Variants in NLRC3 observed in about 807,000 individuals in gnomAD.
NLRC3 encodes the protein NLR family CARD domain containing 3.
A neutral mutation model predicts 91.6 loss-of-function variants in NLRC3; 87 were observed. That is an observed-to-expected ratio of 0.95 (90% CI 0.80 to 1.14). NLRC3 has a LOEUF of 1.14. NLRC3 is among the 50% of genes most tolerant of loss of function. The pLI, the probability that NLRC3 is intolerant of heterozygous loss-of-function variation, is 0.00. For synonymous variants in NLRC3, 694 were observed against 625.3 expected (o/e 1.11, Z -1.64); for missense variants, 1,577 against 1,418.6 (o/e 1.11, Z -1.79).
Position 3,552,225 on chromosome 16 carries a change from C to T in NLRC3, c.2322G>A (p.Leu774=), listed in dbSNP as rs1335993880. The change falls in exon 10 of 20, where the codon TTG becomes TTA. Residue 774 remains leucine (L), a synonymous_variant. Coordinates refer to ENST00000359128, the MANE Select transcript of NLRC3 (RefSeq NM_178844.4). ...PMGAQRMADA[L]KQNRSLKELM... ...GCTCTTTCAGACTCCTGTTCTGCTT[C>T]AAGGCATCTGCCATCCGCTGGGCTC... is the stretch of plus-strand genomic sequence containing the variant. 6.2e-7 allele frequency: 1 copy of T among 1,613,078 alleles called. No individual in the cohort carries two copies. Among genetic ancestry groups the T allele is most frequent in the Non-Finnish European group, 8.5e-7 (1 of 1,179,152 alleles).
At position 3,556,916 on chromosome 16, in the gene NLRC3, G is replaced by A. The variant is rs754620532; in HGVS notation, c.2178C>T (p.Ser726=). ...AGGGAGCAGGTGACACACACCTCAG[G>A]GAGGTCAGGGTGCGGTTGATCTTCA... ...DALKINRTLT[S]LSLQGNTVRD... The change falls in exon 8 of 20, where the codon TCC becomes TCT. Residue 726 remains serine, a synonymous_variant. Transcript: ENST00000359128. The A allele has an allele frequency of 1.9e-6, 3 of 1,610,772 alleles. No individual in the cohort carries two copies. The highest frequency in any genetic ancestry group is 2.5e-6 in the Non-Finnish European group (3 of 1,177,418).
In NLRC3 at chr16:3,564,509, G is replaced by A. The variant is rs769941413; in HGVS notation, c.428C>T (p.Thr143Ile). 6.2e-7 allele frequency: 1 copy of A among 1,612,428 alleles called. No homozygotes were observed. Among genetic ancestry groups the A allele is most frequent in the East Asian group, 2.2e-5 (1 of 44,870 alleles). ...CTTGCCCATGCCGGCCACCCCGATA[G>A]TGATGGAGACCCGGGGTGGGACAGA... Reference protein sequence around the residue: ...RVSVPPRVSITIGVAGMGKTT... With the variant: ...RVSVPPRVSIIIGVAGMGKTT... The change falls in exon 5 of 20, where the codon ACT (threonine) becomes ATT (isoleucine). Residue 143 changes from threonine (T) to isoleucine (I), a missense_variant. Thr to Ile is a moderately conservative substitution (Grantham distance 89, BLOSUM62 -1). Transcript: ENST00000359128. The surrounding 1 kb of genome is among the most constrained non-coding windows in gnomAD (Gnocchi z 5.9).
At chr16:3,561,136 G>A (rs931918813) in intron 6 of NLRC3, among the ~76,000 whole-genome samples, 1 of 151,974 alleles carries the variant, frequency 6.6e-6, no homozygotes, top group Non-Finnish European at 1.5e-5. Flanking sequence ...CGGATCACAA[G>A]GTCAGGAGTT....
intron 8 of NLRC3, among the ~76,000 whole-genome samples, chr16:3,554,989 G>A (rs1401602513): frequency 1.3e-5 from 2 of 152,164 alleles, no homozygotes; most frequent in African/African-American, 2.4e-5. Context: ...CAGCACTTTG[G>A]GAGGCCGAGG....
chr16:3,555,192 T>C (rs1205079335), intron 8 of NLRC3, among the ~76,000 whole-genome samples: 2 of 142,600 alleles, frequency 1.4e-5, no homozygotes, highest in African/African-American at 5.3e-5. Context: ...ATCACGCCAC[T>C]GCACTCCAGT....
rs780780860 is a variant in NLRC3 at position 3,563,273 on chromosome 16, C to T, written c.1664G>A (p.Arg555His). The change falls in exon 5 of 20, where the codon CGC (arginine) becomes CAC (histidine). Residue 555 changes from arginine to histidine, a missense_variant. Physicochemically the swap from Arg to His is conservative, Grantham distance 29. Transcript: ENST00000359128. Reference protein sequence around the residue: ...QVAELLQGCLRPDAAVCARAI... With the variant: ...QVAELLQGCLHPDAAVCARAI... The stretch of plus-strand genomic sequence containing the variant: ...CCGTGCACAGACTGCGGCATCGGGG[C>T]GCAGGCAGCCCTGCAGGAGCTCAGC... 2.3e-5 allele frequency: 37 copies of T among 1,604,982 alleles called. No individual in the cohort carries two copies. The highest frequency in any genetic ancestry group is 1.0e-4 in the Admixed American group (6 of 59,556).
At position 3,543,448 on chromosome 16, in the gene NLRC3, C is replaced by G; in HGVS notation, c.2916G>C (p.Val972=). The G allele has an allele frequency of 1.9e-6, 3 of 1,612,706 alleles. No individual in the cohort carries two copies. Among genetic ancestry groups the G allele is most frequent in the Non-Finnish European group, 2.5e-6 (3 of 1,179,202 alleles). ...GAQVLGEALA[V]NRTLEILDLR... is the part of the protein sequence containing the mutation. The stretch of plus-strand genomic sequence containing the variant: ...ACTCGAGAATCTCCAAGGTTCTGTT[C>G]ACAGCCAAGGCTTCCCCTAGCACCT... Residue 972 remains valine (V), a synonymous_variant, in exon 17 of 20, where the codon GTG becomes GTC. Coordinates refer to ENST00000359128, the MANE Select transcript of NLRC3 (RefSeq NM_178844.4).
chr16:3,549,614 G>T, intron 12 of NLRC3, 83 bp downstream of exon 12: 1 of 1,066,752 alleles, frequency 9.4e-7, no homozygotes, highest in Non-Finnish European at 1.4e-6. Flanking sequence ...ATTTCCCTGA[G>T]ACAGGCTTCC....
At chr16:3,555,475 C>T (rs1263746343) in intron 8 of NLRC3, among the ~76,000 whole-genome samples, 3 of 152,112 alleles carry the variant, frequency 2.0e-5, no homozygotes, top group African/African-American at 7.2e-5. Flanking sequence ...TATGAGGTCT[C>T]CTTCAGGGGT....
At chr16:3,575,932 C>T (rs573332401) in intron 1 of NLRC3, among the ~76,000 whole-genome samples, 14 of 152,316 alleles carry the variant, frequency 9.2e-5, no homozygotes, top group African/African-American at 3.4e-4. Context: ...GAATTCAGGA[C>T]TCGGTTCTCT....
In NLRC3 at chr16:3,566,688, G is replaced by T. The variant is rs1406572943; in HGVS notation, c.-87+555C>A. Among the ~76,000 whole-genome samples the T allele has an allele frequency of 2.0e-5, 3 of 150,512 alleles. No homozygotes were observed. In the Admixed American group the frequency reaches 2.0e-4, roughly 10 times the overall value. On this transcript the variant is annotated intron_variant, in intron 2 of 19. Transcript: ENST00000359128. ...TGCAGTAAGCTGAGATCATGCCATT[G>T]CACTGTAGCCTGGGCAACAAGAACG...
chr16:3,563,813 T>G lies in NLRC3; in HGVS notation c.1124A>C (p.Glu375Ala), dbSNP rs1596479695. 1 of 1,610,022 alleles carries G rather than the reference T, an allele frequency of 6.2e-7. No individual in the cohort carries two copies. The highest frequency in any genetic ancestry group is 2.2e-5 in the East Asian group (1 of 44,836). The change falls in exon 5 of 20, where the codon GAG (glutamate) becomes GCG (alanine). Residue 375 changes from glutamate to alanine, a missense_variant. Transcript: ENST00000359128. ...GCTTGCCTTGCCCTTCTCCTGCCCC[T>G]CCCCGCTGAGGGCCATCCTAAAGTA... ...SWYFRMALSG[E>A]GQEKGKASPR...
At chr16:3,542,980 G>C (rs952353715) in intron 17 of NLRC3, 2 of 570,976 alleles carry the variant, frequency 3.5e-6, no homozygotes, top group African/African-American at 3.7e-5. Context: ...GGCTGGCCTA[G>C]CCAGGAGGGT....
chr16:3,546,514 G>A lies in NLRC3; in HGVS notation c.2771+1621C>T, dbSNP rs2038699776. On this transcript the variant is annotated intron_variant, in intron 15 of 19. Transcript: ENST00000359128. The stretch of plus-strand genomic sequence containing the variant: ...AGAGGTTGCAGTGAGCCGAGATCAC[G>A]CCTCTGCACTCCAGCCTGGGCAACA... Among the ~76,000 whole-genome samples, 3 of 152,030 alleles carry A rather than the reference G, an allele frequency of 2.0e-5. No homozygotes were observed. The South Asian group carries it at 6.2e-4, about 32-fold the overall frequency.
rs760538509 is a variant in NLRC3, at chr16:3,564,832, C to G, written c.178+27G>C. 33 of 1,585,504 alleles carry G rather than the reference C, an allele frequency of 2.1e-5. No individual in the cohort carries two copies. In the East Asian group the frequency reaches 3.4e-4, roughly 16 times the overall value. Reference sequence around the variant, plus strand: ...CAATCAGCCCAGGTGTTCCCCACCCCGCGTCTGCCTCCCAAGCCGGTCCTA... The same window carrying G: ...CAATCAGCCCAGGTGTTCCCCACCCGGCGTCTGCCTCCCAAGCCGGTCCTA... On this transcript the variant is annotated intron_variant, in intron 4 of 19. Coordinates refer to ENST00000359128, the MANE Select transcript of NLRC3 (RefSeq NM_178844.4). The surrounding 1 kb of genome is among the most constrained non-coding windows in gnomAD (Gnocchi z 5.9).
intron 1 of NLRC3, among the ~76,000 whole-genome samples, chr16:3,571,439 G>A (rs992337204): frequency 2.6e-5 from 4 of 151,124 alleles, no homozygotes; most frequent in African/African-American, 7.3e-5. Context: ...TAGCTATGGG[G>A]AGGCTGAGGT....
At position 3,573,711 on chromosome 16, in the gene NLRC3, C is replaced by G. The variant is rs1041608248; in HGVS notation, c.-169+3438G>C. 2.0e-5 allele frequency among the ~76,000 whole-genome samples: 3 copies of G among 152,196 alleles called. No homozygotes were observed. The East Asian group carries it at 5.8e-4, about 29-fold the overall frequency. On this transcript the variant is annotated intron_variant, in intron 1 of 19. Coordinates refer to ENST00000359128, the MANE Select transcript of NLRC3 (RefSeq NM_178844.4). ...GCTCTGGTAGGGCATCATTTGGGGT[C>G]TTATTGATTGATTGATTTAAAATTT...
At chr16:3,548,865 G>A in intron 13 of NLRC3, 112 bp from the exon 14 acceptor site, 1 of 758,428 alleles carries the variant, frequency 1.3e-6, no homozygotes, top group Non-Finnish European at 2.2e-6. Context: ...CAGCACGAGG[G>A]GGTGCTTCCT....
chr16:3,556,846 G>A (rs2039360331), intron 8 of NLRC3, 65 bp downstream of exon 8: 3 of 1,086,394 alleles, frequency 2.8e-6, no homozygotes, highest in Admixed American at 1.8e-5. Flanking sequence ...CATAGGTGGT[G>A]CCTGAGGAGA....
Sources: gnomAD v4.1 joint callset for allele counts (sites outside exome capture counted in the v4.1 genomes callset) on GRCh38, gnomAD v4.1.1 for gene constraint, Gnocchi (gnomAD v3.1) non-coding constraint, MANE v1.5 for transcripts, NCBI Gene and HGNC (gene_info 2026-07-23, HGNC 2026-07-21) for gene names.